The following EPM2A variants were observed in gnomAD, a reference collection of about 807,000 sequenced individuals.
EPM2A encodes the protein EPM2A glucan phosphatase, laforin, also known as laforin.
A neutral mutation model predicts 26.5 loss-of-function variants in EPM2A; 21 were observed. That is an observed-to-expected ratio of 0.79 (90% CI 0.56 to 1.14). The LOEUF (loss-of-function observed/expected upper bound fraction) is 1.14. EPM2A is among the 50% of genes most tolerant of loss of function. EPM2A has a pLI of 0.00. For missense variants in EPM2A, 458 were observed against 440.8 expected (o/e 1.04, Z -0.35); for synonymous variants, 217 against 177.6 (o/e 1.22, Z -1.76).
chr6:145,557,456 AAAGAT>A (rs144008178), intron 2 of EPM2A, among the ~76,000 whole-genome samples: 2,552 of 152,258 alleles, frequency 0.017, 24 homozygotes, highest in Admixed American at 0.023. Flanking sequence ...GGAATAAAGA[AAAGAT>A]AATAGGAAAC....
intron 2 of EPM2A, among the ~76,000 whole-genome samples, chr6:145,586,341 C>T (rs1475302464): frequency 2.6e-5 from 4 of 151,474 alleles, no homozygotes; most frequent in Non-Finnish European, 2.9e-5. Context: ...AAGAATTTAA[C>T]GTCTTTTTTT....
intron 4 of EPM2A, among the ~76,000 whole-genome samples, chr6:145,421,594 T>G (rs1385229630): frequency 6.6e-6 from 1 of 151,372 alleles, no homozygotes; most frequent in Non-Finnish European, 1.5e-5. Flanking sequence ...CACAGTTCAA[T>G]AAGAGGTTAA....
chr6:145,646,381 T>A (rs188888407), intron 2 of EPM2A, among the ~76,000 whole-genome samples: 14 of 152,164 alleles, frequency 9.2e-5, no homozygotes, highest in Non-Finnish European at 7.4e-5. Context: ...TTTCACCATG[T>A]TGGCCAGGCT....
At chr6:145,651,849 A>G (rs1357814215) in intron 2 of EPM2A, among the ~76,000 whole-genome samples, 1 of 152,110 alleles carries the variant, frequency 6.6e-6, no homozygotes, top group East Asian at 1.9e-4. Flanking sequence ...ATTTTATTAA[A>G]CGGGTCAAAG....
chr6:145,629,561 T>C (rs1487042344), intron 3 of EPM2A: 1 of 152,180 alleles, frequency 6.6e-6, no homozygotes, highest in Non-Finnish European at 1.5e-5. Context: ...AAACCTCCAA[T>C]GTATGATGGA....
At chr6:145,590,154 G>A (rs1781253207) in intron 2 of EPM2A, among the ~76,000 whole-genome samples, 1 of 152,058 alleles carries the variant, frequency 6.6e-6, no homozygotes, top group African/African-American at 2.4e-5. Flanking sequence ...AGACTACCAT[G>A]AGAATGAGAA....
Position 145,494,709 on chromosome 6 carries a change from A to C in EPM2A, c.555+7813T>G, listed in dbSNP as rs1779795670. ...TCTTTGTTCCCATTAGTTTCAAAGA[A>C]TTTATTGATTTCTGCCTTAATTTCA... On this transcript the variant is annotated intron_variant, in intron 4 of 4. Coordinates refer to the EPM2A transcript ENST00000638717. Among the ~76,000 whole-genome samples, 3 of 152,192 alleles carry C rather than the reference A, an allele frequency of 2.0e-5. No individual in the cohort carries two copies. The South Asian group carries it at 6.2e-4, about 31-fold the overall frequency.
At chr6:145,571,900 T>C (rs950847033) in intron 2 of EPM2A, among the ~76,000 whole-genome samples, 4 of 152,194 alleles carry the variant, frequency 2.6e-5, no homozygotes, top group Non-Finnish European at 4.4e-5. Context: ...AGGTCACCTA[T>C]TGGTGAGCAT....
intron 4 of EPM2A, chr6:145,491,086 C>G (rs1779748712): frequency 5.9e-6 from 4 of 680,468 alleles, no homozygotes; most frequent in African/African-American, 3.6e-5. Flanking sequence ...TTTGAAGTTG[C>G]TGCAATCTTC....
At chr6:145,522,623 C>T (rs407887) in intron 2 of EPM2A, among the ~76,000 whole-genome samples, 54,442 of 151,990 alleles carry the variant, frequency 0.36, 10,323 homozygotes, top group South Asian at 0.51. Flanking sequence ...TTGATTATTA[C>T]GGCAATTTCT....
At chr6:145,543,931 G>A (rs1034839554) in intron 2 of EPM2A, among the ~76,000 whole-genome samples, 1 of 152,194 alleles carries the variant, frequency 6.6e-6, no homozygotes, top group African/African-American at 2.4e-5. Flanking sequence ...ATGGGATGTT[G>A]TATTTCTCAA....
intron 2 of EPM2A, among the ~76,000 whole-genome samples, chr6:145,597,475 TTC>T (rs755121469): frequency 0.096 from 13,624 of 141,692 alleles, 597 homozygotes; most frequent in Middle Eastern, 0.13. Context: ...TTATTTTTTT[TTC>T]TTTTTTTTGG....
At chr6:145,585,346 C>G (rs1300522997) in intron 2 of EPM2A, among the ~76,000 whole-genome samples, 1 of 152,108 alleles carries the variant, frequency 6.6e-6, no homozygotes, top group African/African-American at 2.4e-5. Context: ...TCCTAAGGGA[C>G]AGAAATTACC....
chr6:145,646,699 G>A (rs931846151), intron 2 of EPM2A, among the ~76,000 whole-genome samples: 2 of 151,752 alleles, frequency 1.3e-5, no homozygotes, highest in Admixed American at 6.6e-5. Context: ...GACATACATC[G>A]CTTTTACTGT....
intron 4 of EPM2A, among the ~76,000 whole-genome samples, chr6:145,403,206 C>A (rs1778517775): frequency 6.6e-6 from 1 of 151,992 alleles, no homozygotes; most frequent in South Asian, 2.1e-4. Flanking sequence ...AATGGGGTAT[C>A]CATCACCTCA....
At chr6:145,490,816 G>T in intron 4 of EPM2A, 1 of 600,736 alleles carries the variant, frequency 1.7e-6, no homozygotes. Context: ...TGCTTGTAGG[G>T]TCAGATGCAT....
At chr6:145,425,771 C>A (rs1454990529) in intron 4 of EPM2A, among the ~76,000 whole-genome samples, 5 of 152,162 alleles carry the variant, frequency 3.3e-5, no homozygotes, top group Non-Finnish European at 5.9e-5. Flanking sequence ...CACGTAGCCA[C>A]TGGCTGTAAG....
At chr6:145,417,581 T>TA (rs1489548878) in intron 4 of EPM2A, among the ~76,000 whole-genome samples, 2 of 152,182 alleles carry the variant, frequency 1.3e-5, no homozygotes, top group African/African-American at 4.8e-5. Flanking sequence ...AGCTCCAATA[T>TA]AATTTGACTC....
At chr6:145,617,930 A>G (rs1775551134) in intron 2 of EPM2A, among the ~76,000 whole-genome samples, 1 of 152,246 alleles carries the variant, frequency 6.6e-6, no homozygotes, top group South Asian at 2.1e-4. Flanking sequence ...ATGACAAAGC[A>G]AGATCCTGTC....
Sources: gnomAD v4.1 joint callset for allele counts (sites outside exome capture counted in the v4.1 genomes callset) on GRCh38, gnomAD v4.1.1 for gene constraint, MANE v1.5 for transcripts, NCBI Gene and HGNC (gene_info 2026-07-23, HGNC 2026-07-21) for gene names.